Variants in ARIH2 observed in about 807,000 individuals in gnomAD.
ARIH2 encodes E3 ubiquitin-protein ligase ARIH2.
ARIH2 carries 12 observed loss-of-function variants against 79.8 expected under a neutral mutation model. That is an observed-to-expected ratio of 0.15 (90% CI 0.10 to 0.24). ARIH2 has a LOEUF of 0.24. Ranked by LOEUF, ARIH2 falls within the 10% of genes least tolerant of loss-of-function variation. The pLI, the probability that ARIH2 is intolerant of heterozygous loss-of-function variation, is 1.00. For missense variants in ARIH2, 301 were observed against 618.3 expected, an observed-to-expected ratio of 0.49 and a Z score of 5.44; for synonymous variants, 224 against 213.9, an observed-to-expected ratio of 1.05 and a Z score of -0.41.
chr3:48,936,203 T>A (rs373472074), intron 3 of ARIH2, among the ~76,000 whole-genome samples: 1 of 152,136 alleles, frequency 6.6e-6, no homozygotes, highest in Non-Finnish European at 1.5e-5. Flanking sequence ...TAATTATCTT[T>A]TTTTTTTTCT....
chr3:48,935,009 T>A (rs1208703717), intron 3 of ARIH2: 2 of 954,344 alleles, frequency 2.1e-6, no homozygotes, highest in East Asian at 2.3e-4. Flanking sequence ...AGTTTATAAA[T>A]TTTTTTGTCA....
At position 48,935,135 on chromosome 3, in the gene ARIH2, A is replaced by G. The variant is rs550113298; in HGVS notation, c.255+7322A>G. 9.8e-5 allele frequency among the ~76,000 whole-genome samples: 15 copies of G among 152,298 alleles called. No individual in the cohort carries two copies. In the South Asian group the frequency reaches 2.7e-3, roughly 27 times the overall value. On this transcript the variant is annotated intron_variant, in intron 3 of 15. Coordinates refer to ENST00000356401, the MANE Select transcript of ARIH2 (RefSeq NM_006321.4). ...CTTGTCCATATTCATACATAGCATT[A>G]TTGTTCAGTATTTCATTCAACCAAT...
rs867306287 is a variant in ARIH2, at chr3:48,938,927, A to C, written c.255+11114A>C. Among the ~76,000 whole-genome samples the C allele has an allele frequency of 1.3e-3, 202 of 150,758 alleles. 3 individuals are homozygous for C. The South Asian group carries it at 0.016, about 12-fold the overall frequency. On this transcript the variant is annotated intron_variant, in intron 3 of 15. Coordinates refer to ENST00000356401, the MANE Select transcript of ARIH2 (RefSeq NM_006321.4). ...GGTCTTTAGACCAAAAAAAAAAAAA[A>C]AAAAAAAAAAAACCAACTACATAAA...
chr3:48,936,185 C>G (rs185954826), intron 3 of ARIH2, among the ~76,000 whole-genome samples: 31 of 151,924 alleles, frequency 2.0e-4, no homozygotes, highest in African/African-American at 7.0e-4. Flanking sequence ...TTTTGCCTTG[C>G]TCCAATCTAA....
chr3:48,957,603 C>G (rs567849864), intron 3 of ARIH2, among the ~76,000 whole-genome samples: 3 of 152,250 alleles, frequency 2.0e-5, no homozygotes, highest in Non-Finnish European at 4.4e-5. Context: ...GAAGTCAGAA[C>G]AGAAAGCATG....
intron 8 of ARIH2, among the ~76,000 whole-genome samples, chr3:48,971,553 A>G (rs1173107172): frequency 1.3e-5 from 2 of 152,178 alleles, no homozygotes; most frequent in African/African-American, 4.8e-5. Context: ...CATGACCCTT[A>G]TATTCTATGA....
intron 3 of ARIH2, among the ~76,000 whole-genome samples, chr3:48,931,427 T>C (rs1395507048): frequency 6.6e-6 from 1 of 151,970 alleles, no homozygotes; most frequent in East Asian, 1.9e-4. Context: ...CACATGCCTG[T>C]GGTCCCAGCT....
intron 9 of ARIH2, chr3:48,974,535 T>G (rs1430167280): frequency 4.0e-6 from 2 of 504,278 alleles, no homozygotes; most frequent in African/African-American, 3.8e-5. Flanking sequence ...TTCTGCTGAT[T>G]CAACTTGTGC....
chr3:48,965,121 G>A (rs2091647286), intron 5 of ARIH2, 139 bp downstream of exon 5: 3 of 611,682 alleles, frequency 4.9e-6, no homozygotes, highest in South Asian at 2.0e-5. Flanking sequence ...TTGGGAGGCT[G>A]AGGCGGGTGG....
At chr3:48,959,165 A>G (rs1030387369) in intron 3 of ARIH2, among the ~76,000 whole-genome samples, 2 of 151,006 alleles carry the variant, frequency 1.3e-5, no homozygotes, top group African/African-American at 4.9e-5. Flanking sequence ...AAATACAAAA[A>G]ATTAGCCCGG....
intron 11 of ARIH2, among the ~76,000 whole-genome samples, chr3:48,978,929 C>T (rs2092653667): frequency 6.6e-6 from 1 of 151,280 alleles, no homozygotes; most frequent in East Asian, 1.9e-4. Context: ...CCACTGCACT[C>T]CAGCCTGGGT....
rs544619880 is a variant in ARIH2 at position 48,984,650 on chromosome 3, A to G, written c.*1380A>G. On this transcript the variant is annotated 3_prime_UTR_variant, in exon 16 of 16. Transcript: ENST00000356401. Reference sequence around the variant, plus strand: ...TCTGGGGTTTTTGTGGCTTTGTTCAATGCTTCCACTCTAGGGCAGGCAGAG... The same window carrying G: ...TCTGGGGTTTTTGTGGCTTTGTTCAGTGCTTCCACTCTAGGGCAGGCAGAG... The G allele has an allele frequency of 7.2e-5, 11 of 152,290 alleles. No individual in the cohort carries two copies. The highest frequency in any genetic ancestry group is 3.9e-4 in the Admixed American group (6 of 15,298). The allele number at this position is 152,290 out of a possible 1,614,324, so 9.4% of individuals were successfully genotyped here.
chr3:48,970,652 C>T lies in ARIH2; in HGVS notation c.718C>T (p.Gln240Ter). ...AGACTGCCCCATGGTTATTCGGGTA[C>T]AGGAGCCTAGAGCTCGCCGAGTACA... is the stretch of plus-strand genomic sequence containing the variant. ...GADCPMVIRVQEPRARRVQCN... is the reference protein window; with the variant it reads ...GADCPMVIRV The change falls in exon 8 of 16, where the codon CAG becomes TAG. Residue 240 changes from glutamine to a stop codon, truncating the protein, a stop_gained. Coordinates refer to ENST00000356401, the MANE Select transcript of ARIH2 (RefSeq NM_006321.4). LOFTEE classifies it high-confidence loss of function. 6.2e-7 allele frequency: 1 copy of T among 1,614,126 alleles called. No individual in the cohort carries two copies. Among genetic ancestry groups the T allele is most frequent in the Non-Finnish European group, 8.5e-7 (1 of 1,179,978 alleles).
intron 3 of ARIH2, among the ~76,000 whole-genome samples, chr3:48,958,088 T>G (rs1454863738): frequency 1.3e-5 from 2 of 152,178 alleles, no homozygotes; most frequent in Non-Finnish European, 2.9e-5. Context: ...AAAACTCCCG[T>G]GCTGCAGGAG....
Position 48,981,663 on chromosome 3 carries a change from C to T in ARIH2, c.1261C>T (p.Arg421Ter), listed in dbSNP as rs758425518. 6.2e-7 allele frequency: 1 copy of T among 1,612,768 alleles called. No individual in the cohort carries two copies. Among genetic ancestry groups the T allele is most frequent in the Non-Finnish European group, 8.5e-7 (1 of 1,179,102 alleles). ...CTTCTCTTCTCTCCTGTTGCAGTGTCGATACACCCTGCAATACACCTACCC... is the reference window on the plus strand; with the variant it reads ...CTTCTCTTCTCTCCTGTTGCAGTGTTGATACACCCTGCAATACACCTACCC... ...QNAAKLLAKCRYTLQYTYPYA... is the reference protein window; with the variant it reads ...QNAAKLLAKC The change falls in exon 14 of 16, where the codon CGA becomes TGA. Residue 421 changes from arginine to a stop codon, truncating the protein, a stop_gained. Coordinates refer to ENST00000356401, the MANE Select transcript of ARIH2 (RefSeq NM_006321.4). LOFTEE classifies it high-confidence loss of function.
chr3:48,974,183 C>T (rs921529089), intron 9 of ARIH2, among the ~76,000 whole-genome samples: 8 of 152,294 alleles, frequency 5.3e-5, no homozygotes, highest in East Asian at 3.9e-4. Context: ...CAGACCTGCA[C>T]GATACTCATT....
rs750064976 is a variant in ARIH2 at position 48,927,508 on chromosome 3, A to G, written c.-51A>G. ...TTGAGAAAGCGGTAGTTTTGGGGGG[A>G]GGGGGAAAAAGCAACTGCTTTCCTG... is the stretch of plus-strand genomic sequence containing the variant. On this transcript the variant is annotated 5_prime_UTR_variant, in exon 3 of 16. Coordinates refer to ENST00000356401, the MANE Select transcript of ARIH2 (RefSeq NM_006321.4). The G allele has an allele frequency of 6.3e-7, 1 of 1,580,114 alleles. No individual in the cohort carries two copies. Among genetic ancestry groups the G allele is most frequent in the Non-Finnish European group, 8.6e-7 (1 of 1,165,348 alleles).
chr3:48,921,376 G>C (rs1246101963), intron 1 of ARIH2: 2 of 145,334 alleles, frequency 1.4e-5, no homozygotes, highest in African/African-American at 5.1e-5. Context: ...TTTTGGAGGA[G>C]CCTGGAGTTT....
chr3:48,974,070 A>C (rs936627039), intron 9 of ARIH2, among the ~76,000 whole-genome samples: 1 of 152,208 alleles, frequency 6.6e-6, no homozygotes, highest in African/African-American at 2.4e-5. Context: ...GGAGCTAATT[A>C]GAAGAGAACT....
Sources: gnomAD v4.1 joint callset for allele counts (sites outside exome capture counted in the v4.1 genomes callset) on GRCh38, gnomAD v4.1.1 for gene constraint, MANE v1.5 for transcripts, NCBI Gene and HGNC (gene_info 2026-07-23, HGNC 2026-07-21) for gene names.